Variants in RNF212 observed in about 807,000 individuals in gnomAD.
The protein encoded by RNF212 is ring finger protein 212.
RNF212 carries 33 observed loss-of-function variants against 34.7 expected under a neutral mutation model. The ratio of observed to expected loss-of-function variants is 0.95; its 90% CI spans 0.72 to 1.27. The LOEUF (loss-of-function observed/expected upper bound fraction) is 1.27, where lower values mean the gene tolerates loss of function less well. Among genes scored for constraint, RNF212 ranks in the 50% most tolerant of loss-of-function variants. RNF212 has a pLI of 0.00. For synonymous variants in RNF212, 140 were observed against 136.1 expected (o/e 1.03, Z -0.20); for missense variants, 377 against 362.2 (o/e 1.04, Z -0.33).
At chr4:1,075,967 A>G (rs181029209) in intron 8 of RNF212, among the ~76,000 whole-genome samples, 10 of 152,234 alleles carry the variant, frequency 6.6e-5, no homozygotes, top group East Asian at 3.8e-4. Flanking sequence ...TGGCCACCTC[A>G]TAAGTTGAAG....
intron 3 of RNF212, chr4:1,093,318 A>T: frequency 1.0e-6 from 1 of 981,824 alleles, no homozygotes; most frequent in Non-Finnish European, 1.4e-6. Context: ...ACAAATCTAA[A>T]AGTATTTATT....
intron 3 of RNF212, among the ~76,000 whole-genome samples, chr4:1,059,668 C>T (rs750066240): frequency 2.0e-5 from 3 of 152,254 alleles, no homozygotes; most frequent in Non-Finnish European, 4.4e-5. Context: ...TCCTCATAGC[C>T]GTTGCCTCCT....
chr4:1,083,969 A>T (rs1720780028), intron 5 of RNF212, among the ~76,000 whole-genome samples: 1 of 132,650 alleles, frequency 7.5e-6, no homozygotes. Flanking sequence ...TTTTTGAGAG[A>T]CGGAGTTTTG....
At chr4:1,057,408 T>G (rs901833581) in intron 4 of RNF212, among the ~76,000 whole-genome samples, 1 of 152,052 alleles carries the variant, frequency 6.6e-6, no homozygotes, top group Non-Finnish European at 1.5e-5. Context: ...CGGTGTGTGC[T>G]TAAATATGCA....
Position 1,079,014 on chromosome 4 carries a change from G to A in RNF212, c.510+629C>T, listed in dbSNP as rs1389275814. Among the ~76,000 whole-genome samples the A allele has an allele frequency of 3.6e-5, 4 of 110,610 alleles. No homozygotes were observed. In the East Asian group the frequency reaches 1.0e-3, roughly 28 times the overall value. The allele number at this position is 110,610 out of a possible 152,430, so 72.6% of individuals were successfully genotyped here. A position where few individuals can be genotyped will look rare whatever the true frequency, so the allele number is the denominator to read the frequency against. ...AGGACCAACATAGGACCAACACAGG[G>A]TCAACACAGGACCAACATGGGACCA... On this transcript the variant is annotated intron_variant, in intron 8 of 9. Coordinates refer to ENST00000433731, the MANE Select transcript of RNF212 (RefSeq NM_001131034.4).
intron 3 of RNF212, chr4:1,093,380 A>AAT (rs61648964): frequency 0.76 from 997,674 of 1,314,784 alleles, 381,813 homozygotes; most frequent in African/African-American, 0.77. Context: ...TATTGTAACA[A>AAT]ATGCCAATAT....
chr4:1,108,356 A>C lies in RNF212; in HGVS notation c.158T>G (p.Leu53Trp). The C allele has an allele frequency of 6.6e-7, 1 of 1,511,804 alleles. No individual in the cohort carries two copies. Among genetic ancestry groups the C allele is most frequent in the Non-Finnish European group, 8.8e-7 (1 of 1,139,944 alleles). 93.6% of individuals were successfully genotyped at this position (1,511,804 alleles called of 1,614,324 possible). A position where few individuals can be genotyped will look rare whatever the true frequency, so the allele number is the denominator to read the frequency against. Reference protein sequence around the residue: ...LICKAPCRTVLLSKHTDADIQ... With the variant: ...LICKAPCRTVWLSKHTDADIQ... ...ATTTCAACTTACATGCTTTGAAAGC[A>C]AAACTGTACGACAAGGAGCTTTACA... The change falls in exon 2 of 10, where the codon TTG becomes TGG. Residue 53 changes from leucine to tryptophan, a missense_variant. Physicochemically the swap from Leu to Trp is moderately conservative, Grantham distance 61 (BLOSUM62 -2). Coordinates refer to ENST00000433731, the MANE Select transcript of RNF212 (RefSeq NM_001131034.4).
intron 3 of RNF212, among the ~76,000 whole-genome samples, chr4:1,061,163 T>C (rs1304418288): frequency 1.3e-5 from 2 of 152,042 alleles, no homozygotes; most frequent in Non-Finnish European, 1.5e-5. Flanking sequence ...AGACACAAAA[T>C]TCCTCAATAA....
downstream of RNF212, among the ~76,000 whole-genome samples, chr4:1,067,838 A>G (rs978801540): frequency 6.6e-6 from 1 of 151,372 alleles, no homozygotes; most frequent in Admixed American, 6.6e-5. Flanking sequence ...ACTGCACTCC[A>G]GCCTGGGCGA....
rs572686399 is a variant in RNF212 at position 1,101,689 on chromosome 4, C to T, written c.172-4850G>A. The T allele has an allele frequency of 3.0e-5, 6 of 201,364 alleles. No homozygotes were observed. The South Asian group carries it at 3.1e-4, about 11-fold the overall frequency. The allele number at this position is 201,364 out of a possible 1,614,324, so 12.5% of individuals were successfully genotyped here. A position where few individuals can be genotyped will look rare whatever the true frequency, so the allele number is the denominator to read the frequency against. On this transcript the variant is annotated intron_variant, in intron 2 of 9. Transcript: ENST00000433731. ...TGAGAAACCTCTACTGAGTGTCATCCCTCCTCCAGCTCCTGCCATAGGGAA... is the reference window on the plus strand; with the variant it reads ...TGAGAAACCTCTACTGAGTGTCATCTCTCCTCCAGCTCCTGCCATAGGGAA...
chr4:1,101,273 C>A, intron 2 of RNF212: 1 of 331,614 alleles, frequency 3.0e-6, no homozygotes, highest in South Asian at 3.2e-5. Flanking sequence ...GGTCTTTTGT[C>A]CCTTTCACTG....
At chr4:1,101,311 T>C (rs927847214) in intron 2 of RNF212, 17 of 315,154 alleles carry the variant, frequency 5.4e-5, no homozygotes, top group African/African-American at 3.5e-4. Flanking sequence ...TGTTTTATTA[T>C]TGGTAGACAA....
chr4:1,112,706 C>A (rs1214745893), intron 1 of RNF212, among the ~76,000 whole-genome samples: 1 of 146,344 alleles, frequency 6.8e-6, no homozygotes, highest in Admixed American at 6.8e-5. Flanking sequence ...TCTTGCATCC[C>A]GCTCCCCCCG....
chr4:1,106,128 A>C (rs1724783724), intron 2 of RNF212, among the ~76,000 whole-genome samples: 1 of 152,176 alleles, frequency 6.6e-6, no homozygotes. Context: ...TAGGGGGGTG[A>C]AGCAACAGGG....
Position 1,113,378 on chromosome 4 carries a change from G to T in RNF212, c.87C>A (p.Tyr29Ter). ...CFSLTNCGHV[Y>*]CDACLGKGKK... Reference sequence around the variant, plus strand: ...GACCTTTGCCGAGGCAGGCGTCGCAGTACACGTGCCCGCAGTTGGTGAGGC... The same window carrying T: ...GACCTTTGCCGAGGCAGGCGTCGCATTACACGTGCCCGCAGTTGGTGAGGC... Residue 29 changes from tyrosine to a stop codon, truncating the protein, a stop_gained, in exon 1 of 10, where the codon TAC (tyrosine) becomes TAA (stop). Transcript: ENST00000433731. LOFTEE classifies it high-confidence loss of function. 6.3e-7 allele frequency: 1 copy of T among 1,590,558 alleles called. No individual in the cohort carries two copies. Among genetic ancestry groups the T allele is most frequent in the Non-Finnish European group, 8.5e-7 (1 of 1,170,412 alleles).
intron 1 of RNF212, among the ~76,000 whole-genome samples, chr4:1,109,765 T>C (rs1300284676): frequency 6.6e-6 from 1 of 152,114 alleles, no homozygotes; most frequent in East Asian, 1.9e-4. Flanking sequence ...CACTTCACGC[T>C]ACCTCCTTCC....
Position 1,113,426 on chromosome 4 carries a change from C to A in RNF212, c.39G>T (p.Pro13=). The change falls in exon 1 of 10, where the codon CCG becomes CCT. Residue 13 remains proline (P), a synonymous_variant. Coordinates refer to ENST00000433731, the MANE Select transcript of RNF212 (RefSeq NM_001131034.4). ...NWVFCNRCFQ[P]PHRTSCFSLT... ...GGCTGAAGCACGACGTCCTGTGGGGCGGCTGGAAGCAGCGATTACAGAACA... is the reference window on the plus strand; with the variant it reads ...GGCTGAAGCACGACGTCCTGTGGGGAGGCTGGAAGCAGCGATTACAGAACA... 3 of 1,607,438 alleles carry A rather than the reference C, an allele frequency of 1.9e-6. No homozygotes were observed. The highest frequency in any genetic ancestry group is 2.5e-6 in the Non-Finnish European group (3 of 1,177,818).
chr4:1,093,506 A>G, intron 3 of RNF212: 3 of 1,429,852 alleles, frequency 2.1e-6, no homozygotes, highest in Non-Finnish European at 2.7e-6. Context: ...ACTGACAAAC[A>G]GTGGGGCCAC....
chr4:1,072,764 C>T lies in RNF212; in HGVS notation c.*110G>A. The T allele has an allele frequency of 6.9e-7, 1 of 1,455,918 alleles. No individual in the cohort carries two copies. 90.2% of individuals were successfully genotyped at this position (1,455,918 alleles called of 1,614,324 possible). The stretch of plus-strand genomic sequence containing the variant: ...GGGTAAAAGGTTAATATCCTGCACA[C>T]TGAGGGCTTCCACATAAATGACAAA... On this transcript the variant is annotated 3_prime_UTR_variant, in exon 10 of 10. Coordinates refer to ENST00000433731, the MANE Select transcript of RNF212 (RefSeq NM_001131034.4).
Sources: gnomAD v4.1 joint callset for allele counts (sites outside exome capture counted in the v4.1 genomes callset) on GRCh38, gnomAD v4.1.1 for gene constraint, MANE v1.5 for transcripts, NCBI Gene and HGNC (gene_info 2026-07-23, HGNC 2026-07-21) for gene names.